IGF1R: variants seen among roughly 807,000 people sequenced by gnomAD.
IGF1R encodes insulin-like growth factor 1 receptor.
IGF1R carries 44 observed loss-of-function variants against 144.6 expected under a neutral mutation model. The observed-to-expected ratio is 0.30, with a 90% CI of 0.24 to 0.39. IGF1R has a LOEUF of 0.39. IGF1R is among the 10% of genes least tolerant of loss of function. The pLI is 1.00. For missense variants in IGF1R, 1,355 were observed against 1,833.7 expected (o/e 0.74, Z 4.77); for synonymous variants, 795 against 722.8 (o/e 1.10, Z -1.60).
chr15:98,867,789 G>A (rs2012534524), intron 2 of IGF1R, among the ~76,000 whole-genome samples: 2 of 152,182 alleles, frequency 1.3e-5, no homozygotes, highest in Non-Finnish European at 2.9e-5. Context: ...TATGTTTGAT[G>A]TGGTGCTAAT....
At chr15:98,881,584 A>G (rs773683683) in intron 2 of IGF1R, among the ~76,000 whole-genome samples, 3 of 152,162 alleles carry the variant, frequency 2.0e-5, no homozygotes, top group Non-Finnish European at 4.4e-5. Context: ...CGGCCTTCCA[A>G]AGTGCTGGGA....
chr15:98,775,994 C>T (rs367568668), intron 2 of IGF1R, among the ~76,000 whole-genome samples: 22 of 152,108 alleles, frequency 1.4e-4, no homozygotes, highest in Admixed American at 1.3e-4. Flanking sequence ...TTGCCAAGTA[C>T]GCAGCCTTCT....
chr15:98,901,315 C>T (rs770596562), intron 5 of IGF1R, among the ~76,000 whole-genome samples: 2 of 152,198 alleles, frequency 1.3e-5, no homozygotes, highest in Admixed American at 6.5e-5. Context: ...GATGCTGGCT[C>T]CAGCCTTTCA....
intron 2 of IGF1R, among the ~76,000 whole-genome samples, chr15:98,855,438 A>AAGCAG (rs1259101634): frequency 6.6e-6 from 1 of 152,242 alleles, no homozygotes. Flanking sequence ...GAGTTATTAC[A>AAGCAG]AGCAGTGCTT....
intron 1 of IGF1R, among the ~76,000 whole-genome samples, chr15:98,665,866 GAGACC>G (rs2052724306): frequency 6.6e-6 from 1 of 152,242 alleles, no homozygotes; most frequent in South Asian, 2.1e-4. Context: ...AGGTCTTCCT[GAGACC>G]AGAATTCAAG....
chr15:98,908,353 TG>T (rs1395607425), intron 5 of IGF1R, among the ~76,000 whole-genome samples: 1 of 152,236 alleles, frequency 6.6e-6, no homozygotes. Flanking sequence ...TCAAGCACGT[TG>T]TACATACTTG....
intron 8 of IGF1R, 68 bp from the exon 9 acceptor site, chr15:98,915,896 A>G: frequency 6.8e-7 from 1 of 1,466,548 alleles, no homozygotes; most frequent in Non-Finnish European, 9.6e-7. Flanking sequence ...TTGGCTTGCC[A>G]GAGTATCTGA....
rs149853889 is a variant in IGF1R at position 98,732,333 on chromosome 15, A to G, written c.640+24226A>G. ...AAAGGCTGAGTATAAGGATAAGTCAATTCAGGCAGATGTCCTCTAAGAATG... is the reference window on the plus strand; with the variant it reads ...AAAGGCTGAGTATAAGGATAAGTCAGTTCAGGCAGATGTCCTCTAAGAATG... On this transcript the variant is annotated intron_variant, in intron 2 of 20. Transcript: ENST00000650285. 5.9e-5 allele frequency among the ~76,000 whole-genome samples: 9 copies of G among 152,332 alleles called. No individual in the cohort carries two copies. The East Asian group carries it at 1.2e-3, about 20-fold the overall frequency.
At position 98,935,800 on chromosome 15, in the gene IGF1R, G is replaced by A. The variant is rs1044515853; in HGVS notation, c.3297+374G>A. On this transcript the variant is annotated intron_variant, in intron 17 of 20. Transcript: ENST00000650285. This position sits in a 1 kb window ranked among gnomAD's most constrained non-coding sequence, Gnocchi z 4.2. Reference sequence around the variant, plus strand: ...TAGCTATCTTCTCTGCTAACTTCTCGATGCGCTTGACTCACATCCTCGTAT... The same window carrying A: ...TAGCTATCTTCTCTGCTAACTTCTCAATGCGCTTGACTCACATCCTCGTAT... Among the ~76,000 whole-genome samples the A allele has an allele frequency of 1.3e-5, 2 of 151,870 alleles. No homozygotes were observed. Among genetic ancestry groups the A allele is most frequent in the African/African-American group, 2.4e-5 (1 of 41,326 alleles).
chr15:98,697,410 C>T (rs2053619427), intron 1 of IGF1R, among the ~76,000 whole-genome samples: 1 of 152,164 alleles, frequency 6.6e-6, no homozygotes, highest in Admixed American at 6.5e-5. Context: ...TGGCTGTGTG[C>T]CCAGAGCCCA....
rs2017250432 is a variant in IGF1R, at chr15:98,962,123, CTG to C, written c.*4682_*4683del. The C allele has an allele frequency of 4.3e-6, 1 of 233,228 alleles. No homozygotes were observed. Among genetic ancestry groups the C allele is most frequent in the South Asian group, 1.8e-4 (1 of 5,530 alleles). The allele number at this position is 233,228 out of a possible 1,614,324, so 14.4% of individuals were successfully genotyped here. On this transcript the variant is annotated 3_prime_UTR_variant, in exon 21 of 21. Coordinates refer to ENST00000650285, the MANE Select transcript of IGF1R (RefSeq NM_000875.5). ...CCAGTGGCTCTGTGGCAAGATCACA[CTG>C]AGATCGATGGGTGAGAAGGCTAGGA...
At chr15:98,662,971 C>G (rs1382699091) in intron 1 of IGF1R, among the ~76,000 whole-genome samples, 1 of 151,896 alleles carries the variant, frequency 6.6e-6, no homozygotes, top group African/African-American at 2.4e-5. Context: ...GAAGGGTGTT[C>G]TGGGGAGGCT....
At chr15:98,776,124 G>T (rs1183682399) in intron 2 of IGF1R, among the ~76,000 whole-genome samples, 1 of 152,060 alleles carries the variant, frequency 6.6e-6, no homozygotes, top group East Asian at 1.9e-4. Flanking sequence ...CGAAGGGAGG[G>T]TGGAAGGGGC....
intron 2 of IGF1R, among the ~76,000 whole-genome samples, chr15:98,744,470 A>G (rs2054817832): frequency 6.6e-6 from 1 of 152,092 alleles, no homozygotes; most frequent in Non-Finnish European, 1.5e-5. Flanking sequence ...GAGGGGAGGA[A>G]CTGAAGAAGT....
At chr15:98,847,514 C>T (rs2011378968) in intron 2 of IGF1R, among the ~76,000 whole-genome samples, 2 of 152,170 alleles carry the variant, frequency 1.3e-5, no homozygotes, top group Admixed American at 6.5e-5. Context: ...AATGGAAGTC[C>T]TTGTACCCAC....
chr15:98,957,179 T>C lies in IGF1R; in HGVS notation c.3841T>C (p.Tyr1281His), dbSNP rs1567223136. 1.9e-6 allele frequency: 3 copies of C among 1,614,234 alleles called. No homozygotes were observed. Among genetic ancestry groups the C allele is most frequent in the South Asian group, 1.1e-5 (1 of 91,090 alleles). ...TGGCTTCCGGGAGGTCTCCTTCTAC[T>C]ACAGCGAGGAGAACAAGCTGCCCGA... Reference protein sequence around the residue: ...EPGFREVSFYYSEENKLPEPE... With the variant: ...EPGFREVSFYHSEENKLPEPE... Residue 1281 changes from tyrosine (Y) to histidine (H), a missense_variant, in exon 21 of 21, where the codon TAC (tyrosine) becomes CAC (histidine). Around this residue, in one of 7 missense-constraint regions of IGF1R, gnomAD observed 219 missense variants for 188.8 expected, o/e 1.16. Transcript: ENST00000650285.
At chr15:98,916,154 G>C in intron 9 of IGF1R, 23 bp downstream of exon 9, 1 of 1,613,404 alleles carries the variant, frequency 6.2e-7, no homozygotes, top group Non-Finnish European at 8.5e-7. Context: ...CAGCGGCCTG[G>C]ACGGAGGGTG....
chr15:98,913,639 C>G (rs1323234916), intron 8 of IGF1R, among the ~76,000 whole-genome samples: 1 of 152,204 alleles, frequency 6.6e-6, no homozygotes, highest in African/African-American at 2.4e-5. Flanking sequence ...CCATGCTGAT[C>G]TGTGTTCCAC....
Position 98,896,813 on chromosome 15 carries a change from A to G in IGF1R, c.1010A>G (p.Lys337Arg). 6.2e-7 allele frequency: 1 copy of G among 1,614,120 alleles called. No homozygotes were observed. Among genetic ancestry groups the G allele is most frequent in the East Asian group, 2.2e-5 (1 of 44,882 alleles). ...CCGAAGGTCTGTGAGGAAGAAAAGA[A>G]AACAAAGACCATTGATTCTGTTACT... Reference protein sequence around the residue: ...PCPKVCEEEKKTKTIDSVTSA... With the variant: ...PCPKVCEEEKRTKTIDSVTSA... The change falls in exon 4 of 21, where the codon AAA becomes AGA. Residue 337 changes from lysine (K) to arginine (R), a missense_variant. Physicochemically the swap from Lys to Arg is conservative, Grantham distance 26 (BLOSUM62 2). Coordinates refer to ENST00000650285, the MANE Select transcript of IGF1R (RefSeq NM_000875.5).
Sources: allele counts gnomAD v4.1 joint callset (sites outside exome capture counted in the v4.1 genomes callset), GRCh38; gene constraint gnomAD v4.1.1; regional missense constraint gnomAD v4.1.1; non-coding constraint Gnocchi (gnomAD v3.1); transcripts MANE v1.5; gene names NCBI Gene and HGNC (gene_info 2026-07-23, HGNC 2026-07-21).